Variants in CDKAL1 observed in about 807,000 individuals in gnomAD.
CDKAL1 encodes the protein threonylcarbamoyladenosine tRNA methylthiotransferase.
A neutral mutation model predicts 68.2 loss-of-function variants in CDKAL1; 32 were observed. That is an observed-to-expected ratio of 0.47 (90% CI 0.35 to 0.63). The LOEUF (loss-of-function observed/expected upper bound fraction) is 0.63. Among genes scored for constraint, CDKAL1 ranks in the 30% least tolerant of loss-of-function variants. The probability of loss-of-function intolerance (pLI) is 0.00; values close to 1 mark genes in which losing one functional copy is unlikely to be tolerated. For missense variants in CDKAL1, 606 were observed against 696.7 expected (o/e 0.87, Z 1.47); for synonymous variants, 234 against 244.3 (o/e 0.96, Z 0.39).
intron 9 of CDKAL1, among the ~76,000 whole-genome samples, chr6:20,898,088 C>T (rs1016546065): frequency 5.3e-5 from 8 of 151,912 alleles, no homozygotes; most frequent in African/African-American, 1.7e-4. Flanking sequence ...GAAGGATGGC[C>T]CAGCTCCTCT....
chr6:21,083,383 AAC>A (rs1772517291), intron 12 of CDKAL1, among the ~76,000 whole-genome samples: 1 of 152,056 alleles, frequency 6.6e-6, no homozygotes, highest in African/African-American at 2.4e-5. Flanking sequence ...CAACCTGTAT[AAC>A]CCTTAGTGAG....
chr6:20,756,044 C>T (rs1408097128), intron 6 of CDKAL1: 1 of 152,172 alleles, frequency 6.6e-6, no homozygotes. Flanking sequence ...TTACCCCTAA[C>T]CTCTTCTTTC....
chr6:21,145,980 G>A (rs907259947), intron 13 of CDKAL1, among the ~76,000 whole-genome samples: 20 of 152,198 alleles, frequency 1.3e-4, no homozygotes, highest in Admixed American at 4.6e-4. Flanking sequence ...ACAAAGAGTG[G>A]TATTTCCTAA....
intron 11 of CDKAL1, among the ~76,000 whole-genome samples, chr6:21,026,458 A>G (rs1019142743): frequency 6.6e-6 from 1 of 152,196 alleles, no homozygotes; most frequent in South Asian, 2.1e-4. Context: ...GAATGAGAAG[A>G]CTAGATTAAA....
Position 21,042,455 on chromosome 6 carries a change from G to A in CDKAL1, c.1056-22593G>A, listed in dbSNP as rs538481882. On this transcript the variant is annotated intron_variant, in intron 11 of 15. Coordinates refer to ENST00000274695, the MANE Select transcript of CDKAL1 (RefSeq NM_017774.3). ...CTCTCTCGTGGCACTGGGTACTCTG[G>A]TAGATGTCTTGGTTAACAGCCTCTC... Among the ~76,000 whole-genome samples, 5 of 152,214 alleles carry A rather than the reference G, an allele frequency of 3.3e-5. No homozygotes were observed. The East Asian group carries it at 9.7e-4, about 29-fold the overall frequency.
intron 15 of CDKAL1, among the ~76,000 whole-genome samples, chr6:21,229,603 T>C (rs1286366820): frequency 2.0e-5 from 3 of 152,202 alleles, no homozygotes; most frequent in East Asian, 3.9e-4. Flanking sequence ...AAAGATACTT[T>C]GTGCTTCTGT....
In CDKAL1 at chr6:20,791,640, C is replaced by A. The variant is rs543868687; in HGVS notation, c.638+10375C>A. On this transcript the variant is annotated intron_variant, in intron 8 of 15. Transcript: ENST00000274695. ...GGAATATGGGGCTAATGTAGTGAGT[C>A]TGTCAAGTGGAGGTAGGCTGGGAGA... 4.6e-5 allele frequency among the ~76,000 whole-genome samples: 7 copies of A among 152,216 alleles called. No homozygotes were observed. In the East Asian group the frequency reaches 1.4e-3, roughly 29 times the overall value.
At position 20,979,411 on chromosome 6, in the gene CDKAL1, G is replaced by A. The variant is rs796379052; in HGVS notation, c.910-20816G>A. On this transcript the variant is annotated intron_variant, in intron 10 of 15. Transcript: ENST00000274695. ...GGTACATTGAGAAACAGGAGGAAGT[G>A]ATAATTGAAGCATGGATGGGATTTT... 1.5e-4 allele frequency among the ~76,000 whole-genome samples: 23 copies of A among 152,316 alleles called. 1 individual carries two copies. The highest frequency in any genetic ancestry group is 5.1e-4 in the African/African-American group (21 of 41,568).
At chr6:20,705,631 C>G (rs1369824165) in intron 5 of CDKAL1, among the ~76,000 whole-genome samples, 2 of 152,120 alleles carry the variant, frequency 1.3e-5, no homozygotes, top group African/African-American at 2.4e-5. Flanking sequence ...TTTGCAAAGA[C>G]TTGGTGGAAT....
chr6:21,140,526 A>G (rs544888328), intron 13 of CDKAL1, among the ~76,000 whole-genome samples: 8 of 152,240 alleles, frequency 5.3e-5, no homozygotes, highest in African/African-American at 1.9e-4. Context: ...TTCTGACCAA[A>G]TTATCCATCT....
At chr6:20,936,587 T>C (rs1490021757) in intron 9 of CDKAL1, among the ~76,000 whole-genome samples, 1 of 151,914 alleles carries the variant, frequency 6.6e-6, no homozygotes, top group Non-Finnish European at 1.5e-5. Flanking sequence ...GAACTTCACA[T>C]GGGGCTTGGT....
At position 20,846,161 on chromosome 6, in the gene CDKAL1, C is replaced by T. The variant is rs1259006154; in HGVS notation, c.725C>T (p.Ala242Val). The T allele has an allele frequency of 4.4e-6, 7 of 1,604,342 alleles. No homozygotes were observed. The highest frequency in any genetic ancestry group is 6.0e-6 in the Non-Finnish European group (7 of 1,172,678). Residue 242 changes from alanine to valine, a missense_variant, in exon 9 of 16, where the codon GCC becomes GTC. Coordinates refer to ENST00000274695, the MANE Select transcript of CDKAL1 (RefSeq NM_017774.3). ...CCAATTGATGAACTAGTAGATAGAG[C>T]CAAACAATCTTTTCAAGGTAAGAGT... ...SYPIDELVDR[A>V]KQSFQEGVCE...
chr6:20,790,184 A>G (rs1263654847), intron 8 of CDKAL1, among the ~76,000 whole-genome samples: 2 of 152,238 alleles, frequency 1.3e-5, no homozygotes, highest in African/African-American at 2.4e-5. Context: ...AGAAAAGCAC[A>G]AAACAATAAA....
chr6:20,558,955 ATACTCTTCATTACTGTGTTATGCAAT>A (rs1764164645), intron 4 of CDKAL1: 1 of 213,600 alleles, frequency 4.7e-6, no homozygotes, highest in Non-Finnish European at 9.5e-6. Flanking sequence ...AGGATGTTTA[ATACTCTTCATTACTGTGTTATGCAAT>A]AGTTGCATGA....
intron 12 of CDKAL1, among the ~76,000 whole-genome samples, chr6:21,067,071 G>A (rs541045753): frequency 6.6e-6 from 1 of 152,044 alleles, no homozygotes; most frequent in South Asian, 2.1e-4. Flanking sequence ...CTTTTGTACT[G>A]TACCTACAGA....
intron 8 of CDKAL1, among the ~76,000 whole-genome samples, chr6:20,824,754 G>A (rs1777430804): frequency 6.6e-6 from 1 of 152,178 alleles, no homozygotes; most frequent in South Asian, 2.1e-4. Flanking sequence ...ACACGTAGGG[G>A]GAAAGGATTC....
At chr6:21,161,004 T>C (rs1282249204) in intron 13 of CDKAL1, among the ~76,000 whole-genome samples, 3 of 150,550 alleles carry the variant, frequency 2.0e-5, no homozygotes, top group Non-Finnish European at 3.0e-5. Flanking sequence ...AGAAAAAAAA[T>C]AGGGATCAAT....
At chr6:20,955,705 T>C in intron 10 of CDKAL1, 120 bp downstream of exon 10, 1 of 743,544 alleles carries the variant, frequency 1.3e-6, no homozygotes, top group Non-Finnish European at 2.1e-6. Context: ...TTTTTTGTAG[T>C]CCCGCATTTC....
chr6:20,568,530 G>A (rs1425351242), intron 4 of CDKAL1, among the ~76,000 whole-genome samples: 1 of 151,782 alleles, frequency 6.6e-6, no homozygotes, highest in Non-Finnish European at 1.5e-5. Flanking sequence ...TCAGGAGATT[G>A]AGACCATCCT....
Sources: allele counts gnomAD v4.1 joint callset (sites outside exome capture counted in the v4.1 genomes callset), GRCh38; gene constraint gnomAD v4.1.1; transcripts MANE v1.5; gene names NCBI Gene and HGNC (gene_info 2026-07-23, HGNC 2026-07-21).